Variants in ENOX1 observed in about 807,000 individuals in gnomAD.
ENOX1 encodes ecto-NOX disulfide-thiol exchanger 1.
In ENOX1, 42 loss-of-function variants were observed where a neutral mutation model predicts 82.5. The observed-to-expected ratio is 0.51, with a 90% CI of 0.40 to 0.66. The LOEUF is 0.66. Ranked by LOEUF, ENOX1 falls within the 30% of genes least tolerant of loss-of-function variation. The pLI is 0.00. For missense variants in ENOX1, 608 were observed against 811.6 expected, an observed-to-expected ratio of 0.75 and a Z score of 3.05; for synonymous variants, 271 against 282.2, an observed-to-expected ratio of 0.96 and a Z score of 0.40.
At chr13:43,426,686 G>A (rs1274596106) in intron 3 of ENOX1, among the ~76,000 whole-genome samples, 2 of 152,120 alleles carry the variant, frequency 1.3e-5, no homozygotes, top group African/African-American at 4.8e-5. Context: ...GAACTGCAGT[G>A]GCTGTCAACT....
chr13:43,329,198 T>C (rs935066543), intron 9 of ENOX1, among the ~76,000 whole-genome samples: 2 of 152,218 alleles, frequency 1.3e-5, no homozygotes, highest in African/African-American at 4.8e-5. Flanking sequence ...GGGCTGGGGC[T>C]AGTGTTAGGT....
At chr13:43,531,232 AAAAC>A (rs546449870) in intron 2 of ENOX1, among the ~76,000 whole-genome samples, 75 of 152,234 alleles carry the variant, frequency 4.9e-4, no homozygotes, top group South Asian at 1.0e-3. Context: ...TTACAAGAAA[AAAAC>A]AAACAACCCC....
chr13:43,478,851 A>C (rs1267088473), intron 3 of ENOX1, among the ~76,000 whole-genome samples: 1 of 151,776 alleles, frequency 6.6e-6, no homozygotes, highest in Admixed American at 6.6e-5. Context: ...CTTAAACCCA[A>C]AGAAAATAGT....
chr13:43,711,310 A>G (rs2087693169), intron 1 of ENOX1, among the ~76,000 whole-genome samples: 1 of 152,108 alleles, frequency 6.6e-6, no homozygotes. Flanking sequence ...TTCATAATCC[A>G]GTCTTACCGT....
At chr13:43,458,268 T>C (rs889781864) in intron 3 of ENOX1, among the ~76,000 whole-genome samples, 6 of 152,120 alleles carry the variant, frequency 3.9e-5, no homozygotes, top group African/African-American at 1.4e-4. Context: ...GATAGGAAAA[T>C]GGACATATTC....
At chr13:43,570,179 C>T (rs2080114602) in intron 2 of ENOX1, among the ~76,000 whole-genome samples, 2 of 152,014 alleles carry the variant, frequency 1.3e-5, no homozygotes, top group African/African-American at 4.8e-5. Context: ...TGTGAGATGC[C>T]ATTTGTTTCA....
intron 2 of ENOX1, among the ~76,000 whole-genome samples, chr13:43,568,436 T>C (rs532274954): frequency 3.7e-4 from 57 of 152,176 alleles, no homozygotes; most frequent in Non-Finnish European, 4.1e-4. Flanking sequence ...GAGACTCCTC[T>C]GGTCTTTTCT....
At chr13:43,717,646 G>A (rs767187149) in intron 1 of ENOX1, among the ~76,000 whole-genome samples, 11 of 152,122 alleles carry the variant, frequency 7.2e-5, no homozygotes, top group Non-Finnish European at 1.0e-4. Flanking sequence ...CTGTGCATCT[G>A]ACCAAGGTCT....
chr13:43,355,898 G>A, intron 8 of ENOX1, 21 bp downstream of exon 8: 1 of 1,596,228 alleles, frequency 6.3e-7, no homozygotes, highest in Non-Finnish European at 8.6e-7. Flanking sequence ...AGGAAGAAAA[G>A]CCAGCGTGGG....
chr13:43,414,362 G>A (rs718716), intron 3 of ENOX1, among the ~76,000 whole-genome samples: 1 of 152,016 alleles, frequency 6.6e-6, no homozygotes, highest in Non-Finnish European at 1.5e-5. Context: ...ATCCAACAGT[G>A]AATGATTCTA....
intron 2 of ENOX1, among the ~76,000 whole-genome samples, chr13:43,487,763 T>C (rs1373699436): frequency 2.6e-5 from 4 of 152,132 alleles, no homozygotes; most frequent in Non-Finnish European, 5.9e-5. Flanking sequence ...ACCCTTTTAC[T>C]CTGGAAAGTA....
At chr13:43,673,111 A>AT (rs1292710277) in intron 1 of ENOX1, among the ~76,000 whole-genome samples, 12 of 151,786 alleles carry the variant, frequency 7.9e-5, no homozygotes, top group African/African-American at 1.5e-4. Flanking sequence ...AGATAAACCT[A>AT]TTTTTTTAAA....
At chr13:43,345,200 T>G (rs775176181) in intron 8 of ENOX1, among the ~76,000 whole-genome samples, 1 of 152,242 alleles carries the variant, frequency 6.6e-6, no homozygotes, top group Non-Finnish European at 1.5e-5. Context: ...AGTATTAAAA[T>G]GTGGAAGAAA....
intron 10 of ENOX1, among the ~76,000 whole-genome samples, chr13:43,323,988 G>A (rs535548722): frequency 6.6e-5 from 10 of 152,346 alleles, no homozygotes; most frequent in Admixed American, 3.3e-4. Context: ...GACAAGGTCC[G>A]AGGTGGGGTG....
intron 15 of ENOX1, among the ~76,000 whole-genome samples, chr13:43,232,896 G>A (rs1391191833): frequency 6.6e-6 from 1 of 152,038 alleles, no homozygotes; most frequent in Non-Finnish European, 1.5e-5. Flanking sequence ...AGAGTGATAC[G>A]GACCCAGAGA....
chr13:43,707,664 T>C (rs1490981318), intron 1 of ENOX1, among the ~76,000 whole-genome samples: 8 of 120,366 alleles, frequency 6.6e-5, no homozygotes, highest in African/African-American at 2.6e-4. Context: ...ACCCGGGAGG[T>C]GGAGGTTACA....
chr13:43,429,766 C>T (rs1297559123), intron 3 of ENOX1, among the ~76,000 whole-genome samples: 3 of 152,162 alleles, frequency 2.0e-5, no homozygotes, highest in Non-Finnish European at 4.4e-5. Flanking sequence ...AGGTTATAGT[C>T]ATATCCTTCC....
chr13:43,761,980 G>A (rs972034130), intron 1 of ENOX1, among the ~76,000 whole-genome samples: 1 of 152,084 alleles, frequency 6.6e-6, no homozygotes, highest in Non-Finnish European at 1.5e-5. Context: ...TAAACCATAT[G>A]TCCTATAAAA....
At chr13:43,548,583 G>A (rs182752652) in intron 2 of ENOX1, among the ~76,000 whole-genome samples, 1 of 152,256 alleles carries the variant, frequency 6.6e-6, no homozygotes, top group Non-Finnish European at 1.5e-5. Flanking sequence ...AAAACACAAC[G>A]AAACTTCTTC....
Sources: gnomAD v4.1 joint callset for allele counts (sites outside exome capture counted in the v4.1 genomes callset) on GRCh38, gnomAD v4.1.1 for gene constraint, MANE v1.5 for transcripts, NCBI Gene and HGNC (gene_info 2026-07-23, HGNC 2026-07-21) for gene names.